Variants in WDR27 observed in about 807,000 individuals in gnomAD.
The protein encoded by WDR27 is WD repeat-containing protein 27.
Under a neutral mutation model 114.4 loss-of-function variants are expected in WDR27, and 100 were observed. The observed-to-expected ratio is 0.87, with a 90% CI of 0.74 to 1.03. The LOEUF is 1.03. Ranked by LOEUF, WDR27 falls within the 50% of genes least tolerant of loss-of-function variation. WDR27 has a pLI of 0.00. For missense variants in WDR27, 1,129 were observed against 1,092.9 expected, an observed-to-expected ratio of 1.03 and a Z score of -0.47; for synonymous variants, 449 against 423.1, an observed-to-expected ratio of 1.06 and a Z score of -0.75.
At chr6:169,552,973 GGTGTGTGTGTGTGTGTGT>G (rs3975497) in intron 25 of WDR27, among the ~76,000 whole-genome samples, 1,273 of 61,788 alleles carry the variant, frequency 0.021, 14 homozygotes, top group Non-Finnish European at 0.03. Context: ...GGGCCTGCCC[GGTGTGTGTGTGTGTGTGT>G]GTGTGTGTGT....
At chr6:169,485,765 T>C (rs76357240) in intron 25 of WDR27, among the ~76,000 whole-genome samples, 5,163 of 152,264 alleles carry the variant, frequency 0.034, 110 homozygotes, top group Middle Eastern at 0.061. Context: ...ACTTAAATGC[T>C]TATCAATGGT....
At chr6:169,555,362 C>A (rs995248963) in intron 25 of WDR27, among the ~76,000 whole-genome samples, 2 of 152,036 alleles carry the variant, frequency 1.3e-5, no homozygotes, top group Admixed American at 6.6e-5. Flanking sequence ...CTGAGCTCAT[C>A]CCCAGAGGAG....
intron 25 of WDR27, among the ~76,000 whole-genome samples, chr6:169,509,513 A>G (rs1413979278): frequency 2.0e-5 from 3 of 152,020 alleles, no homozygotes; most frequent in Non-Finnish European, 4.4e-5. Context: ...AAACCTGACA[A>G]AAACAAGCAA....
chr6:169,688,673 A>C, intron 2 of WDR27, 144 bp downstream of exon 2: 1 of 369,628 alleles, frequency 2.7e-6, no homozygotes, highest in Non-Finnish European at 4.6e-6. Flanking sequence ...AAAATAAAAA[A>C]ATATATATAA....
chr6:169,569,897 GATTTCACC>G (rs546701353), intron 25 of WDR27, among the ~76,000 whole-genome samples: 2,460 of 152,212 alleles, frequency 0.016, 62 homozygotes, highest in African/African-American at 0.057. Flanking sequence ...AACGACCAAA[GATTTCACC>G]CTCTCACAAA....
intron 25 of WDR27, among the ~76,000 whole-genome samples, chr6:169,547,104 G>A (rs1326105079): frequency 1.3e-5 from 2 of 152,068 alleles, no homozygotes; most frequent in Non-Finnish European, 2.9e-5. Flanking sequence ...TTCTTTGAAA[G>A]ACACAATATG....
chr6:169,446,596 A>C, the WDR27 span, among the ~76,000 whole-genome samples: 1 of 152,218 alleles, frequency 6.6e-6, no homozygotes, highest in Non-Finnish European at 1.5e-5. Flanking sequence ...GTAATCGTGA[A>C]AGAAAAGTAA....
At chr6:169,561,395 C>T (rs753939103) in intron 25 of WDR27, among the ~76,000 whole-genome samples, 1 of 152,066 alleles carries the variant, frequency 6.6e-6, no homozygotes, top group Non-Finnish European at 1.5e-5. Flanking sequence ...ACATTTAGAT[C>T]ATAACATTGT....
chr6:169,576,429 A>G (rs1201863149), intron 24 of WDR27, among the ~76,000 whole-genome samples: 8 of 152,250 alleles, frequency 5.3e-5, no homozygotes, highest in Non-Finnish European at 5.9e-5. Flanking sequence ...ATTCTGTCAT[A>G]TAACAAAACT....
chr6:169,672,244 T>C lies in WDR27; in HGVS notation c.331+11A>G, dbSNP rs899089077. 1.2e-6 allele frequency: 2 copies of C among 1,610,886 alleles called. No homozygotes were observed. The highest frequency in any genetic ancestry group is 1.7e-6 in the Non-Finnish European group (2 of 1,178,752). On this transcript the variant is annotated intron_variant, in intron 3 of 25. Transcript: ENST00000448612. ...CAGGTTTTTAAAAACATGTTTTAGA[T>C]TTTCATTTACCTTGAAGTACTTTCT... is the stretch of plus-strand genomic sequence containing the variant.
the WDR27 span, among the ~76,000 whole-genome samples, chr6:169,436,513 C>A: frequency 6.6e-6 from 1 of 151,940 alleles, no homozygotes; most frequent in Non-Finnish European, 1.5e-5. Flanking sequence ...TAGATGAACA[C>A]CTGATATTCA....
chr6:169,694,566 A>C (rs1283846238), intron 1 of WDR27, among the ~76,000 whole-genome samples: 1 of 152,250 alleles, frequency 6.6e-6, no homozygotes, highest in African/African-American at 2.4e-5. Context: ...CAGATGTTTT[A>C]AAAAATAACA....
At chr6:169,643,840 T>A in intron 16 of WDR27, 54 bp from the exon 17 acceptor site, 1 of 1,439,180 alleles carries the variant, frequency 6.9e-7, no homozygotes, top group Non-Finnish European at 9.6e-7. Context: ...TTCATAGGAG[T>A]CACACTGTAG....
intron 13 of WDR27, among the ~76,000 whole-genome samples, chr6:169,654,702 G>GC (rs1201377879): frequency 6.7e-6 from 1 of 150,312 alleles, no homozygotes; most frequent in African/African-American, 2.5e-5. Context: ...GAGCTGAGGA[G>GC]GAGGCGCGCA....
intron 10 of WDR27, among the ~76,000 whole-genome samples, 192 bp downstream of exon 10, chr6:169,660,471 G>C (rs965846343): frequency 6.6e-5 from 10 of 152,158 alleles, no homozygotes; most frequent in Non-Finnish European, 1.5e-4. Flanking sequence ...AGTGCCCGAG[G>C]GTCCGGGAAG....
chr6:169,476,771 T>C (rs572103583), intron 25 of WDR27, among the ~76,000 whole-genome samples: 33 of 152,244 alleles, frequency 2.2e-4, no homozygotes, highest in Non-Finnish European at 4.1e-4. Context: ...AGTGTAATTA[T>C]TGTTGTAACT....
chr6:169,668,654 C>T (rs935940120), intron 4 of WDR27: 1 of 159,102 alleles, frequency 6.3e-6, no homozygotes, highest in African/African-American at 2.4e-5. Flanking sequence ...AACAGCATGA[C>T]TGAGGAATGG....
intron 22 of WDR27, among the ~76,000 whole-genome samples, chr6:169,603,976 T>C (rs1808596304): frequency 6.6e-6 from 1 of 152,198 alleles, no homozygotes; most frequent in Non-Finnish European, 1.5e-5. Context: ...AAGAGGAAAG[T>C]TTATACCATC....
chr6:169,450,559 A>C, the WDR27 span, among the ~76,000 whole-genome samples: 2 of 152,082 alleles, frequency 1.3e-5, no homozygotes, highest in Admixed American at 1.3e-4. Context: ...TATCATTCAC[A>C]TACATGGCAC....
Sources: allele counts gnomAD v4.1 joint callset (sites outside exome capture counted in the v4.1 genomes callset), GRCh38; gene constraint gnomAD v4.1.1; transcripts MANE v1.5; gene names NCBI Gene and HGNC (gene_info 2026-07-23, HGNC 2026-07-21).